HECW1: variants seen among roughly 807,000 people sequenced by gnomAD.
The protein encoded by HECW1 is E3 ubiquitin-protein ligase HECW1.
Under a neutral mutation model 182.3 loss-of-function variants are expected in HECW1, and 61 were observed. That is an observed-to-expected ratio of 0.33 (90% CI 0.27 to 0.41). The LOEUF is 0.41. HECW1 is among the 10% of genes least tolerant of loss of function. The pLI, the probability that HECW1 is intolerant of heterozygous loss-of-function variation, is 1.00. For missense variants in HECW1, 1,739 were observed against 2,108.9 expected (o/e 0.82, Z 3.44); for synonymous variants, 859 against 832.6 (o/e 1.03, Z -0.55).
At position 43,422,358 on chromosome 7, in the gene HECW1, G is replaced by T. The variant is rs543998294; in HGVS notation, c.801+14627G>T. ...ACTTCTCTTTTTTTAATTGTTTTTT[G>T]GTTGTTGTTGTTTTTTTTTTTTTTT... On this transcript the variant is annotated intron_variant, in intron 8 of 29. Coordinates refer to ENST00000395891, the MANE Select transcript of HECW1 (RefSeq NM_015052.5). 5.1e-3 allele frequency among the ~76,000 whole-genome samples: 666 copies of T among 131,630 alleles called. 6 individuals carry two copies. The highest frequency in any genetic ancestry group is 5.8e-3 in the Non-Finnish European group (375 of 64,940). 86.4% of individuals were successfully genotyped at this position (131,630 alleles called of 152,430 possible). A position where few individuals can be genotyped will look rare whatever the true frequency, so the allele number is the denominator to read the frequency against.
chr7:43,128,036 A>G (rs867588878), intron 2 of HECW1, among the ~76,000 whole-genome samples: 2 of 151,948 alleles, frequency 1.3e-5, no homozygotes, highest in African/African-American at 2.4e-5. Context: ...GCACCACCAC[A>G]TTGGGCTAAT....
intron 26 of HECW1, among the ~76,000 whole-genome samples, chr7:43,543,911 A>G (rs2081460228): frequency 1.3e-5 from 2 of 152,128 alleles, no homozygotes; most frequent in African/African-American, 2.4e-5. Context: ...CATATGCCCT[A>G]TTGTAGAGGG....
chr7:43,200,643 CTCT>C (rs146894963), intron 2 of HECW1, among the ~76,000 whole-genome samples: 5,162 of 152,320 alleles, frequency 0.034, 101 homozygotes, highest in Middle Eastern at 0.058. Flanking sequence ...CGAAATAAAG[CTCT>C]TCTGCTGCCA....
At chr7:43,137,552 A>G (rs1787690385) in intron 2 of HECW1, among the ~76,000 whole-genome samples, 1 of 150,234 alleles carries the variant, frequency 6.7e-6, no homozygotes, top group Admixed American at 6.7e-5. Context: ...TTATTTATTT[A>G]TTTATTTATT....
chr7:43,466,578 C>G lies in HECW1; in HGVS notation c.2913+10C>G. The G allele has an allele frequency of 6.2e-7, 1 of 1,611,868 alleles. No homozygotes were observed. Reference sequence around the variant, plus strand: ...GCTACATGCCAATTATGTGAGTGCCCTAAAATGCAGAGGGGGCGGCCTGGC... The same window carrying G: ...GCTACATGCCAATTATGTGAGTGCCGTAAAATGCAGAGGGGGCGGCCTGGC... On this transcript the variant is annotated intron_variant, in intron 15 of 29. Coordinates refer to ENST00000395891, the MANE Select transcript of HECW1 (RefSeq NM_015052.5).
intron 29 of HECW1, among the ~76,000 whole-genome samples, chr7:43,555,077 A>G (rs2081974411): frequency 6.6e-6 from 1 of 152,202 alleles, no homozygotes; most frequent in Non-Finnish European, 1.5e-5. Flanking sequence ...TTAAAGATGA[A>G]TGTCTGACAC....
At chr7:43,450,552 G>A (rs35645175) in intron 11 of HECW1, among the ~76,000 whole-genome samples, 28,095 of 152,114 alleles carry the variant, frequency 0.18, 2,670 homozygotes, top group Middle Eastern at 0.29. Context: ...TCTGATTCAG[G>A]AAATTCGGGT....
intron 24 of HECW1, among the ~76,000 whole-genome samples, chr7:43,528,388 C>T (rs888000636): frequency 1.3e-4 from 20 of 152,090 alleles, no homozygotes; most frequent in African/African-American, 4.8e-4. Flanking sequence ...ATCTTTGTTC[C>T]TTAACTCCTT....
intron 24 of HECW1, among the ~76,000 whole-genome samples, chr7:43,518,389 A>C (rs1314184519): frequency 6.6e-6 from 1 of 151,978 alleles, no homozygotes; most frequent in East Asian, 1.9e-4. Context: ...CCAGCTACTC[A>C]GGAGGCTGAG....
At chr7:43,235,935 TC>T (rs1798293131) in intron 2 of HECW1, among the ~76,000 whole-genome samples, 1 of 152,134 alleles carries the variant, frequency 6.6e-6, no homozygotes, top group African/African-American at 2.4e-5. Context: ...ACACCAGTAA[TC>T]CCAGCACTTT....
intron 6 of HECW1, among the ~76,000 whole-genome samples, chr7:43,367,094 C>T (rs1360014202): frequency 6.6e-6 from 1 of 152,208 alleles, no homozygotes; most frequent in South Asian, 2.1e-4. Flanking sequence ...GGAATTCTGG[C>T]TTTCATGATA....
chr7:43,563,152 A>G lies in HECW1; in HGVS notation c.*1226A>G, dbSNP rs974795948. 9 of 203,118 alleles carry G rather than the reference A, an allele frequency of 4.4e-5. No homozygotes were observed. The highest frequency in any genetic ancestry group is 2.1e-4 in the African/African-American group (9 of 43,598). 12.6% of individuals were successfully genotyped at this position (203,118 alleles called of 1,614,324 possible). On this transcript the variant is annotated 3_prime_UTR_variant, in exon 30 of 30. Transcript: ENST00000395891. ...ATAGTACTTCTCCTTCACCCATAGT[A>G]ATCCTCCTGGGGCAGAAACATAACA...
intron 16 of HECW1, among the ~76,000 whole-genome samples, chr7:43,474,729 C>T (rs1006028798): frequency 4.6e-5 from 7 of 152,164 alleles, no homozygotes; most frequent in African/African-American, 1.7e-4. Flanking sequence ...CATATTAATT[C>T]TTTTATTAGA....
At chr7:43,335,915 T>C (rs1428426950) in intron 5 of HECW1, among the ~76,000 whole-genome samples, 2 of 147,024 alleles carry the variant, frequency 1.4e-5, no homozygotes, top group East Asian at 2.0e-4. Context: ...CTTTATCTCT[T>C]TCTCTCTCCT....
At chr7:43,510,469 A>G (rs1239353921) in intron 24 of HECW1, among the ~76,000 whole-genome samples, 2 of 152,246 alleles carry the variant, frequency 1.3e-5, no homozygotes, top group East Asian at 3.8e-4. Flanking sequence ...TTAAGCACAT[A>G]GTATGTTCTG....
chr7:43,492,332 G>A (rs1025247330), intron 18 of HECW1, 152 bp downstream of exon 18: 13 of 580,426 alleles, frequency 2.2e-5, no homozygotes, highest in African/African-American at 1.6e-4. Context: ...TGCACACCCC[G>A]ACCCCTGCTA....
intron 2 of HECW1, among the ~76,000 whole-genome samples, chr7:43,234,352 A>G (rs1465699279): frequency 6.6e-6 from 1 of 152,066 alleles, no homozygotes; most frequent in Non-Finnish European, 1.5e-5. Context: ...GTGACTTCCC[A>G]CCTTGCAATG....
chr7:43,287,238 G>A (rs1003403842), intron 3 of HECW1, among the ~76,000 whole-genome samples: 17 of 151,956 alleles, frequency 1.1e-4, no homozygotes, highest in African/African-American at 3.9e-4. Flanking sequence ...GGGGATTAGG[G>A]AGGAGTAGAT....
chr7:43,385,030 C>T (rs779207856), intron 6 of HECW1, among the ~76,000 whole-genome samples: 7 of 152,014 alleles, frequency 4.6e-5, no homozygotes, highest in African/African-American at 1.4e-4. Flanking sequence ...AAGGACAAAA[C>T]GCAGTTCTGG....
Sources: allele counts gnomAD v4.1 joint callset (sites outside exome capture counted in the v4.1 genomes callset), GRCh38; gene constraint gnomAD v4.1.1; transcripts MANE v1.5; gene names NCBI Gene and HGNC (gene_info 2026-07-23, HGNC 2026-07-21).